Variants in NFATC2 observed in about 807,000 individuals in gnomAD.
NFATC2 encodes nuclear factor of activated T cells 2, also known as nuclear factor of activated T-cells, cytoplasmic 2.
A neutral mutation model predicts 87.3 loss-of-function variants in NFATC2; 22 were observed. That is an observed-to-expected ratio of 0.25 (90% confidence interval 0.18 to 0.36). NFATC2 has a LOEUF of 0.36. Ranked by LOEUF, NFATC2 falls within the 10% of genes least tolerant of loss-of-function variation. The pLI is 1.00. For synonymous variants in NFATC2, 565 were observed against 542.2 expected (o/e 1.04, Z -0.58); for missense variants, 1,149 against 1,259.1 (o/e 0.91, Z 1.32).
At chr20:51,461,265 C>T (rs1987116740) in intron 5 of NFATC2, among the ~76,000 whole-genome samples, 2 of 152,186 alleles carry the variant, frequency 1.3e-5, no homozygotes, top group African/African-American at 4.8e-5. Flanking sequence ...TGCACCCACC[C>T]TCCTCATCAG....
At chr20:51,411,128 A>C (rs919596312) in intron 9 of NFATC2, among the ~76,000 whole-genome samples, 2 of 152,166 alleles carry the variant, frequency 1.3e-5, no homozygotes, top group African/African-American at 4.8e-5. Flanking sequence ...TAAGTGTTAT[A>C]ATGATTACTC....
intron 9 of NFATC2, among the ~76,000 whole-genome samples, chr20:51,424,090 A>C (rs1981388259): frequency 6.6e-6 from 1 of 152,204 alleles, no homozygotes; most frequent in Non-Finnish European, 1.5e-5. Context: ...CCCCAGGGAC[A>C]GATACCTGCA....
intron 3 of NFATC2, among the ~76,000 whole-genome samples, chr20:51,491,264 A>G (rs181120707): frequency 9.9e-5 from 15 of 152,150 alleles, no homozygotes; most frequent in African/African-American, 3.1e-4. Context: ...ATTCTTCCAC[A>G]TGCATAAAAT....
chr20:51,467,424 G>T (rs558484452), intron 5 of NFATC2, among the ~76,000 whole-genome samples: 1 of 152,128 alleles, frequency 6.6e-6, no homozygotes, highest in South Asian at 2.1e-4. Flanking sequence ...GGGCATGGTG[G>T]TGGGCGCCTG....
At chr20:51,395,443 CAGAG>C (rs1172870680) in intron 10 of NFATC2, among the ~76,000 whole-genome samples, 2 of 152,204 alleles carry the variant, frequency 1.3e-5, no homozygotes, top group Non-Finnish European at 2.9e-5. Context: ...GCTTAGCCAG[CAGAG>C]AGAGGCCGTG....
rs189182611 is a variant in NFATC2 at position 51,423,407 on chromosome 20, C to T, written c.2722+8660G>A. On this transcript the variant is annotated intron_variant, in intron 9 of 10. Transcript: ENST00000371564. Reference sequence around the variant, plus strand: ...CTGCTGAAAACCATCACCTGAGTGGCGGCATCATCCTGAAATGAGTGAGGT... The same window carrying T: ...CTGCTGAAAACCATCACCTGAGTGGTGGCATCATCCTGAAATGAGTGAGGT... Among the ~76,000 whole-genome samples the T allele has an allele frequency of 7.5e-4, 114 of 151,398 alleles. 1 individual carries two copies. Among genetic ancestry groups the T allele is most frequent in the African/African-American group, 2.6e-3 (106 of 41,228 alleles).
At chr20:51,406,650 C>T (rs1281709556) in intron 9 of NFATC2, among the ~76,000 whole-genome samples, 2 of 152,232 alleles carry the variant, frequency 1.3e-5, no homozygotes, top group East Asian at 1.9e-4. Flanking sequence ...CACAAACCCA[C>T]CAGCAACCGG....
chr20:51,438,296 G>A (rs908856966), intron 6 of NFATC2, among the ~76,000 whole-genome samples: 1 of 152,196 alleles, frequency 6.6e-6, no homozygotes, highest in Non-Finnish European at 1.5e-5. Context: ...GAAGCCTGAA[G>A]ACTGAGTAAG....
At chr20:51,423,190 T>C (rs541272271) in intron 9 of NFATC2, among the ~76,000 whole-genome samples, 1 of 145,314 alleles carries the variant, frequency 6.9e-6, no homozygotes, top group African/African-American at 2.6e-5. Flanking sequence ...CTGAGAAGAC[T>C]GAGGCAGGCA....
In NFATC2 at chr20:51,504,337, T is replaced by C. The variant is rs889025720; in HGVS notation, c.1332+12447A>G. On this transcript the variant is annotated intron_variant, in intron 3 of 10. Coordinates refer to ENST00000371564, the MANE Select transcript of NFATC2 (RefSeq NM_012340.5). ...TTTCAGTAGAGCCGGGGTTTCATCA[T>C]GTTGGCCAGGCCAGTCTTGAACTCC... Among the ~76,000 whole-genome samples, 5 of 152,174 alleles carry C rather than the reference T, an allele frequency of 3.3e-5. 1 individual carries two copies. Among genetic ancestry groups the C allele is most frequent in the African/African-American group, 1.2e-4 (5 of 41,436 alleles).
At chr20:51,413,126 G>A (rs888586398) in intron 9 of NFATC2, among the ~76,000 whole-genome samples, 8 of 151,426 alleles carry the variant, frequency 5.3e-5, no homozygotes, top group East Asian at 1.9e-4. Context: ...AGGATGACCC[G>A]GTGCTGGGCA....
rs1345580286 is a variant in NFATC2, at chr20:51,523,333, A to G, written c.908T>C (p.Ile303Thr). 1 of 1,612,724 alleles carries G rather than the reference A, an allele frequency of 6.2e-7. No homozygotes were observed. The highest frequency in any genetic ancestry group is 8.5e-7 in the Non-Finnish European group (1 of 1,179,470). The change falls in exon 2 of 11, where the codon ATC (isoleucine) becomes ACC (threonine). Residue 303 changes from isoleucine to threonine, a missense_variant. Ile to Thr is a moderately conservative substitution (Grantham distance 89). Transcript: ENST00000371564. This position sits in a 1 kb window ranked among gnomAD's most constrained non-coding sequence, Gnocchi z 6.9. ...GGCGAGGCTGTTCAGGGCATCCATG[A>G]TCACGGCAGAGCCAGCCACAGGGGG... ...GYPPVAGSAV[I>T]MDALNSLATD... is the part of the protein sequence containing the mutation.
At chr20:51,491,650 G>A (rs2075886575) in intron 3 of NFATC2, among the ~76,000 whole-genome samples, 1 of 151,976 alleles carries the variant, frequency 6.6e-6, no homozygotes, top group South Asian at 2.1e-4. Context: ...AGGCACATAG[G>A]TCAGAACAAC....
Position 51,523,276 on chromosome 20 carries a change from A to T in NFATC2, c.965T>A (p.Met322Lys), listed in dbSNP as rs778601987. 3.7e-6 allele frequency: 6 copies of T among 1,613,534 alleles called. No individual in the cohort carries two copies. ...CGAGGGGTCAGGGCTGGTCTTCCAC[A>T]TCTTGGGGGGGATCCCACAAGGCGA... ...TDSPCGIPPK[M>K]WKTSPDPSPV... The change falls in exon 2 of 11, where the codon ATG becomes AAG. Residue 322 changes from methionine (M) to lysine (K), a missense_variant. Met to Lys is a moderately conservative substitution (Grantham distance 95, BLOSUM62 -1). Coordinates refer to ENST00000371564, the MANE Select transcript of NFATC2 (RefSeq NM_012340.5). This position sits in a 1 kb window ranked among gnomAD's most constrained non-coding sequence, Gnocchi z 6.9.
At chr20:51,456,643 G>A (rs868099457) in intron 5 of NFATC2, among the ~76,000 whole-genome samples, 11 of 152,212 alleles carry the variant, frequency 7.2e-5, no homozygotes, top group African/African-American at 2.2e-4. Flanking sequence ...GCCCCCTGGG[G>A]TGAGTCAGTC....
chr20:51,562,603 C>T lies in NFATC2; in HGVS notation c.27G>A (p.Leu9=). The T allele has an allele frequency of 6.4e-7, 1 of 1,551,334 alleles. No individual in the cohort carries two copies. Among genetic ancestry groups the T allele is most frequent in the East Asian group, 2.4e-5 (1 of 40,902 alleles). ...TGATGCGGAGGGGATGGCAGTGCCC[C>T]AGTCTGAACGCAGCCTCTCTCTGCA... The change falls in exon 1 of 11, where the codon CTG becomes CTA. Residue 9 remains leucine (L), a synonymous_variant. Transcript: ENST00000414705. This position sits in a 1 kb window ranked among gnomAD's most constrained non-coding sequence, Gnocchi z 5.8.
At chr20:51,543,975 ATTT>A (rs11473264), upstream of NFATC2, among the ~76,000 whole-genome samples, 62 of 72,970 alleles carry the variant, frequency 8.5e-4, no homozygotes, top group African/African-American at 3.4e-3. Flanking sequence ...AGAATTCCTA[ATTT>A]TTTTTTTTTT....
In NFATC2 at chr20:51,432,846, C is replaced by A; in HGVS notation, c.2033-90G>T. 8.5e-7 allele frequency: 1 copy of A among 1,174,100 alleles called. No homozygotes were observed. The highest frequency in any genetic ancestry group is 1.1e-6 in the Non-Finnish European group (1 of 873,414). 72.7% of individuals were successfully genotyped at this position (1,174,100 alleles called of 1,614,324 possible). On this transcript the variant is annotated intron_variant, in intron 8 of 10. Transcript: ENST00000371564. This position sits in a 1 kb window ranked among gnomAD's most constrained non-coding sequence, Gnocchi z 4.6. The stretch of plus-strand genomic sequence containing the variant: ...TCGTGGATGGTGCTTGAGAACATGG[C>A]CTTGGGAGTCCATACGGGTGGGACA...
intron 9 of NFATC2, among the ~76,000 whole-genome samples, chr20:51,431,689 G>C (rs145248963): frequency 1.5e-4 from 23 of 152,282 alleles, no homozygotes; most frequent in African/African-American, 5.1e-4. Context: ...GGAATGAAAG[G>C]AGGTTAGCTT....
Sources: allele counts gnomAD v4.1 joint callset (sites outside exome capture counted in the v4.1 genomes callset), GRCh38; gene constraint gnomAD v4.1.1; non-coding constraint Gnocchi (gnomAD v3.1); transcripts MANE v1.5; gene names NCBI Gene and HGNC (gene_info 2026-07-23, HGNC 2026-07-21).